The following ORM1 variants were observed in gnomAD, a reference collection of about 807,000 sequenced individuals.
ORM1 encodes the protein orosomucoid 1.
ORM1 carries 13 observed loss-of-function variants against 26.9 expected under a neutral mutation model. The ratio of observed to expected loss-of-function variants is 0.48; its 90% CI spans 0.31 to 0.77. The LOEUF is 0.77. Ranked by LOEUF, ORM1 falls within the 30% of genes least tolerant of loss-of-function variation. The probability of loss-of-function intolerance (pLI) is 0.04; values close to 1 mark genes in which losing one functional copy is unlikely to be tolerated. For missense variants in ORM1, 189 were observed against 246.8 expected (o/e 0.77, Z 1.57); for synonymous variants, 76 against 102.2 (o/e 0.74, Z 1.55).
intron 5 of ORM1, among the ~76,000 whole-genome samples, chr9:114,325,960 C>T (rs1280957129): frequency 6.6e-6 from 1 of 151,912 alleles, no homozygotes; most frequent in East Asian, 1.9e-4. Context: ...CCAAGGCCAC[C>T]CTGCTCCTCA....
chr9:114,325,436 C>T (rs553782277), intron 5 of ORM1, among the ~76,000 whole-genome samples: 22 of 151,810 alleles, frequency 1.4e-4, no homozygotes, highest in Non-Finnish European at 2.9e-5. Context: ...TTGGAGGGGA[C>T]GTAATGCGGG....
At chr9:114,325,744 C>T (rs1829759231) in intron 5 of ORM1, among the ~76,000 whole-genome samples, 2 of 152,186 alleles carry the variant, frequency 1.3e-5, no homozygotes, top group South Asian at 4.1e-4. Flanking sequence ...AAAATATATA[C>T]ATGCAGTACT....
Position 114,323,224 on chromosome 9 carries a change from A to G in ORM1, c.91A>G (p.Ile31Val), listed in dbSNP as rs1410838954. The G allele has an allele frequency of 1.2e-5, 19 of 1,596,716 alleles. No homozygotes were observed. Among genetic ancestry groups the G allele is most frequent in the Non-Finnish European group, 1.5e-5 (18 of 1,170,162 alleles). ...PLCANLVPVP[I>V]TNATLDRITG... is the part of the protein sequence containing the mutation. ...GTGTGCCAACCTAGTACCGGTGCCC[A>G]TCACCAACGCCACCCTGGACCGGGT... The change falls in exon 1 of 6, where the codon ATC becomes GTC. Residue 31 changes from isoleucine (I) to valine (V), a missense_variant. This residue lies in a region of ORM1 where 20 missense variants were observed against 64.2 expected (regional missense o/e 0.31). Transcript: ENST00000259396.
At chr9:114,323,871 CCTT>C (rs1322328403) in intron 2 of ORM1, 66 bp downstream of exon 2, 1 of 1,609,170 alleles carries the variant, frequency 6.2e-7, no homozygotes, top group East Asian at 2.2e-5. Context: ...GCAAGTCCCT[CCTT>C]CTTCCTGGCC....
intron 5 of ORM1, among the ~76,000 whole-genome samples, chr9:114,325,467 G>A (rs1330740307): frequency 6.6e-6 from 1 of 151,632 alleles, no homozygotes; most frequent in Non-Finnish European, 1.5e-5. Flanking sequence ...CTACAGACGC[G>A]TCCCAAACCC....
In ORM1 at chr9:114,325,092, C is replaced by G; in HGVS notation, c.480C>G (p.Tyr160Ter). The change falls in exon 5 of 6, where the codon TAC (tyrosine) becomes TAG (stop). Residue 160 changes from tyrosine (Y) to a stop codon, truncating the protein, a stop_gained. Transcript: ENST00000259396. LOFTEE classifies it high-confidence loss of function. ...ETTKEQLGEF[Y>*]EALDCLRIPK... is the part of the protein sequence containing the mutation. ...CCAAGGAGCAACTGGGAGAGTTCTA[C>G]GAAGCTCTCGACTGCTTGCGCATTC... 2 of 1,614,020 alleles carry G rather than the reference C, an allele frequency of 1.2e-6. No individual in the cohort carries two copies. Among genetic ancestry groups the G allele is most frequent in the Non-Finnish European group, 1.7e-6 (2 of 1,179,890 alleles).
At chr9:114,325,837 A>G (rs1253965104) in intron 5 of ORM1, among the ~76,000 whole-genome samples, 1 of 151,820 alleles carries the variant, frequency 6.6e-6, no homozygotes, top group African/African-American at 2.4e-5. Context: ...TCCTGCCCCC[A>G]TCTGCAGTCC....
intron 1 of ORM1, 55 bp downstream of exon 1, chr9:114,323,302 T>C: frequency 2.5e-6 from 4 of 1,613,536 alleles, no homozygotes; most frequent in Non-Finnish European, 3.4e-6. Context: ...CTCCCTTCTC[T>C]GGGCTTCCCT....
intron 3 of ORM1, among the ~76,000 whole-genome samples, chr9:114,324,478 G>A (rs1468154013): frequency 1.3e-5 from 2 of 152,308 alleles, no homozygotes; most frequent in East Asian, 1.9e-4. Flanking sequence ...ACATGGCAGG[G>A]AGCTGATGGA....
At chr9:114,325,478 C>T (rs1430467157) in intron 5 of ORM1, among the ~76,000 whole-genome samples, 3 of 151,672 alleles carry the variant, frequency 2.0e-5, no homozygotes, top group Non-Finnish European at 4.4e-5. Context: ...TCCCAAACCC[C>T]AGGCTTTCAC....
chr9:114,324,083 G>C lies in ORM1; in HGVS notation c.323G>C (p.Arg108Thr), dbSNP rs535024925. The change falls in exon 3 of 6, where the codon AGA becomes ACA. Residue 108 changes from arginine to threonine, a missense_variant. Coordinates refer to ENST00000259396, the MANE Select transcript of ORM1 (RefSeq NM_000607.4). The part of the protein sequence containing the change: ...NVQRENGTIS[R>T]YVGGQEHFAH... ...CAGCGGGAAAATGGGACCATCTCCA[G>C]ATACGGTGAGGGCCAGCCCTCAGGC... 6.2e-7 allele frequency: 1 copy of C among 1,614,036 alleles called. No homozygotes were observed. Among genetic ancestry groups the C allele is most frequent in the African/African-American group, 1.3e-5 (1 of 75,028 alleles).
intron 5 of ORM1, among the ~76,000 whole-genome samples, chr9:114,325,975 C>T (rs1451305049): frequency 4.0e-5 from 6 of 151,746 alleles, no homozygotes; most frequent in African/African-American, 1.5e-4. Flanking sequence ...TCCTCAGTTA[C>T]ATCATCTGCA....
In ORM1 at chr9:114,325,419, T is replaced by C. The variant is rs533778542; in HGVS notation, c.540+267T>C. On this transcript the variant is annotated intron_variant, in intron 5 of 5. Coordinates refer to ENST00000259396, the MANE Select transcript of ORM1 (RefSeq NM_000607.4). Reference sequence around the variant, plus strand: ...CAGCGTGAGCCACGGGGTTGGGGGATTGGCAATTGGAGGGGACGTAATGCG... The same window carrying C: ...CAGCGTGAGCCACGGGGTTGGGGGACTGGCAATTGGAGGGGACGTAATGCG... Among the ~76,000 whole-genome samples, 441 of 151,756 alleles carry C rather than the reference T, an allele frequency of 2.9e-3. 2 individuals are homozygous for C. Among genetic ancestry groups the C allele is most frequent in the African/African-American group, 0.01 (421 of 41,356 alleles).
At position 114,324,811 on chromosome 9, in the gene ORM1, C is replaced by G. The variant is rs750465692; in HGVS notation, c.350C>G (p.Ala117Gly). ...SRYVGGQEHF[A>G]HLLILRDTKT... ...CCAGTGGGAGGCCAAGAGCATTTCG[C>G]TCACTTGCTGATCCTCAGGGACACC... is the stretch of plus-strand genomic sequence containing the variant. The change falls in exon 4 of 6, where the codon GCT becomes GGT. Residue 117 changes from alanine (A) to glycine (G), a missense_variant. Transcript: ENST00000259396. 7 of 1,614,120 alleles carry G rather than the reference C, an allele frequency of 4.3e-6. No individual in the cohort carries two copies. The South Asian group carries it at 7.7e-5, about 18-fold the overall frequency.
At position 114,324,852 on chromosome 9, in the gene ORM1, G is replaced by C; in HGVS notation, c.391G>C (p.Ala131Pro). The C allele has an allele frequency of 6.2e-7, 1 of 1,614,208 alleles. No individual in the cohort carries two copies. Among genetic ancestry groups the C allele is most frequent in the Non-Finnish European group, 8.5e-7 (1 of 1,180,030 alleles). ...CAGGGACACCAAGACCTACATGCTT[G>C]CTTTTGACGTGAACGATGAGAAGAA... ...ILRDTKTYML[A>P]FDVNDEKNWG... Residue 131 changes from alanine to proline, a missense_variant, in exon 4 of 6, where the codon GCT becomes CCT. This residue lies in a region of ORM1 where 163 missense variants were observed against 157.7 expected (regional missense o/e 1.03). Coordinates refer to ENST00000259396, the MANE Select transcript of ORM1 (RefSeq NM_000607.4).
At chr9:114,326,049 A>T (rs541629030) in intron 5 of ORM1, among the ~76,000 whole-genome samples, 2 of 149,832 alleles carry the variant, frequency 1.3e-5, no homozygotes, top group South Asian at 4.1e-4. Flanking sequence ...TCCTAAGTGC[A>T]CAGTAAATGC....
At position 114,324,084 on chromosome 9, in the gene ORM1, A is replaced by G. The variant is rs771189312; in HGVS notation, c.324A>G (p.Arg108=). The change falls in exon 3 of 6, where the codon AGA becomes AGG. Residue 108 remains arginine, a synonymous_variant. Transcript: ENST00000259396. ...AGCGGGAAAATGGGACCATCTCCAGATACGGTGAGGGCCAGCCCTCAGGCA... is the reference window on the plus strand; with the variant it reads ...AGCGGGAAAATGGGACCATCTCCAGGTACGGTGAGGGCCAGCCCTCAGGCA... ...NVQRENGTIS[R]YVGGQEHFAH... The G allele has an allele frequency of 1.2e-6, 2 of 1,613,860 alleles. No individual in the cohort carries two copies. The highest frequency in any genetic ancestry group is 2.7e-5 in the African/African-American group (2 of 74,886).
At position 114,323,381 on chromosome 9, in the gene ORM1, A is replaced by T. The variant is rs370588569; in HGVS notation, c.114+134A>T. On this transcript the variant is annotated intron_variant, in intron 1 of 5. Transcript: ENST00000259396. ...TTTTCTCTTCTGGGTCCCCAGGGTG[A>T]AATTCTCACCAGCCCAGGGGACTCT... The T allele has an allele frequency of 1.2e-4, 186 of 1,536,170 alleles. No individual in the cohort carries two copies. The East Asian group carries it at 3.1e-3, about 26-fold the overall frequency.
rs1829730278 is a variant in ORM1, at chr9:114,324,097, C to T, written c.328+9C>T. 3 of 1,612,020 alleles carry T rather than the reference C, an allele frequency of 1.9e-6. No homozygotes were observed. Among genetic ancestry groups the T allele is most frequent in the Non-Finnish European group, 2.5e-6 (3 of 1,178,154 alleles). The stretch of plus-strand genomic sequence containing the variant: ...GACCATCTCCAGATACGGTGAGGGC[C>T]AGCCCTCAGGCAGGAGGGTTCACTG... On this transcript the variant is annotated intron_variant, in intron 3 of 5. Coordinates refer to ENST00000259396, the MANE Select transcript of ORM1 (RefSeq NM_000607.4).
Sources: allele counts gnomAD v4.1 joint callset (sites outside exome capture counted in the v4.1 genomes callset), GRCh38; gene constraint gnomAD v4.1.1; regional missense constraint gnomAD v4.1.1; transcripts MANE v1.5; gene names NCBI Gene and HGNC (gene_info 2026-07-23, HGNC 2026-07-21).